PDXK: variants seen among roughly 807,000 people sequenced by gnomAD.
PDXK encodes the protein pyridoxal kinase.
A neutral mutation model predicts 43.2 loss-of-function variants in PDXK; 15 were observed. That is an observed-to-expected ratio of 0.35 (90% confidence interval 0.23 to 0.53). The LOEUF is 0.53. PDXK is among the 20% of genes least tolerant of loss of function. The pLI, the probability that PDXK is intolerant of heterozygous loss-of-function variation, is 0.92. For missense variants in PDXK, 343 were observed against 417.0 expected (o/e 0.82, Z 1.54); for synonymous variants, 172 against 165.4 (o/e 1.04, Z -0.31).
rs973831800 is a variant in PDXK, at chr21:43,732,237, G to A, written c.88-1832G>A. The A allele has an allele frequency of 7.6e-5, 111 of 1,463,904 alleles. No individual in the cohort carries two copies. The highest frequency in any genetic ancestry group is 2.5e-4 in the East Asian group (10 of 40,480). 90.7% of individuals were successfully genotyped at this position (1,463,904 alleles called of 1,614,324 possible). The stretch of plus-strand genomic sequence containing the variant: ...CCAGAGGCATGGTCCGGCACAGAGC[G>A]CTGGCTTCCAGCTGAAGGACATGTG... On this transcript the variant is annotated intron_variant, in intron 1 of 10. Transcript: ENST00000291565. The surrounding 1 kb of genome is among the most constrained non-coding windows in gnomAD (Gnocchi z 4.1).
chr21:43,732,018 A>C lies in PDXK; in HGVS notation c.88-2051A>C. 2.4e-6 allele frequency: 1 copy of C among 411,962 alleles called. No individual in the cohort carries two copies. The highest frequency in any genetic ancestry group is 3.5e-6 in the Non-Finnish European group (1 of 282,786). The allele number at this position is 411,962 out of a possible 1,614,324, so 25.5% of individuals were successfully genotyped here. The stretch of plus-strand genomic sequence containing the variant: ...GATGAGGAATTCTGCTGGTGGAGGG[A>C]AAGCCACAAAGTGGATTCCGCTGCT... On this transcript the variant is annotated intron_variant, in intron 1 of 10. Transcript: ENST00000291565. The surrounding 1 kb of genome is among the most constrained non-coding windows in gnomAD (Gnocchi z 4.1).
intron 1 of PDXK, among the ~76,000 whole-genome samples, chr21:43,730,854 C>T (rs1050447263): frequency 6.6e-6 from 1 of 152,124 alleles, no homozygotes; most frequent in African/African-American, 2.4e-5. Flanking sequence ...ACTCAGGAGG[C>T]TGAAGAGGGT....
chr21:43,745,160 C>T (rs761825473), intron 4 of PDXK, among the ~76,000 whole-genome samples: 4 of 152,196 alleles, frequency 2.6e-5, no homozygotes, highest in Non-Finnish European at 5.9e-5. Context: ...TGGCTCACGC[C>T]TGGAATCCCA....
chr21:43,733,150 C>A (rs1018901641), intron 1 of PDXK, among the ~76,000 whole-genome samples: 2 of 151,952 alleles, frequency 1.3e-5, no homozygotes, highest in African/African-American at 4.8e-5. Context: ...AAAGCCTTGG[C>A]AAATACAAAT....
intron 7 of PDXK, among the ~76,000 whole-genome samples, chr21:43,750,925 T>C (rs1157514467): frequency 6.6e-6 from 1 of 150,398 alleles, no homozygotes; most frequent in African/African-American, 2.5e-5. Flanking sequence ...TGTGCATGTG[T>C]GTGCGTATGT....
chr21:43,739,905 C>A lies in PDXK; in HGVS notation c.143-1762C>A, dbSNP rs535640205. On this transcript the variant is annotated intron_variant, in intron 2 of 10. Coordinates refer to ENST00000291565, the MANE Select transcript of PDXK (RefSeq NM_003681.5). ...CCCTCCTCCTACCCCTTACCCCAAA[C>A]CCCGCCCCAGCCTGGCAGAAGCCTC... Among the ~76,000 whole-genome samples, 110 of 151,194 alleles carry A rather than the reference C, an allele frequency of 7.3e-4. 2 individuals are homozygous for A. Among genetic ancestry groups the A allele is most frequent in the African/African-American group, 2.5e-3 (105 of 41,366 alleles).
Position 43,732,512 on chromosome 21 carries a change from C to T in PDXK, c.88-1557C>T, listed in dbSNP as rs779417285. The T allele has an allele frequency of 3.7e-5, 51 of 1,360,614 alleles. No homozygotes were observed. The East Asian group carries it at 8.2e-4, about 22-fold the overall frequency. The allele number at this position is 1,360,614 out of a possible 1,614,324, so 84.3% of individuals were successfully genotyped here. Reference sequence around the variant, plus strand: ...GCTCTCATTTAAAAGCAGAAAATAGCGACTTCATTCTCGGATACGTTTGCC... The same window carrying T: ...GCTCTCATTTAAAAGCAGAAAATAGTGACTTCATTCTCGGATACGTTTGCC... On this transcript the variant is annotated intron_variant, in intron 1 of 10. Transcript: ENST00000291565. This position sits in a 1 kb window ranked among gnomAD's most constrained non-coding sequence, Gnocchi z 4.1.
intron 1 of PDXK, among the ~76,000 whole-genome samples, chr21:43,727,657 C>T (rs1041185175): frequency 2.0e-5 from 3 of 152,240 alleles, no homozygotes; most frequent in Non-Finnish European, 4.4e-5. Context: ...CCCCAAGGGC[C>T]AGTTGCTGTG....
At position 43,719,201 on chromosome 21, in the gene PDXK, G is replaced by GGCCGGA; in HGVS notation, c.-90_-85dup. ...CAGAGTCGCAGCCGAGGGGAGCCGG[G>GGCCGGA]GCCGGAGCCCGAGCCCGAGCCGAGC... is the stretch of plus-strand genomic sequence containing the variant. On this transcript the variant is annotated 5_prime_UTR_variant, in exon 1 of 11. Coordinates refer to ENST00000291565, the MANE Select transcript of PDXK (RefSeq NM_003681.5). 1 of 588,138 alleles carries GGCCGGA rather than the reference G, an allele frequency of 1.7e-6. No homozygotes were observed. The highest frequency in any genetic ancestry group is 2.4e-6 in the Non-Finnish European group (1 of 409,836). The allele number at this position is 588,138 out of a possible 1,614,324, so 36.4% of individuals were successfully genotyped here.
At chr21:43,741,472 T>C (rs1211794103) in intron 2 of PDXK, 195 bp from the exon 3 acceptor site, 2 of 1,227,892 alleles carry the variant, frequency 1.6e-6, no homozygotes, top group African/African-American at 1.7e-5. Flanking sequence ...CGCGGGGGGC[T>C]CGAGGCGTCC....
intron 8 of PDXK, among the ~76,000 whole-genome samples, chr21:43,752,979 G>T (rs2006288): frequency 0.19 from 29,373 of 152,118 alleles, 3,009 homozygotes; most frequent in Middle Eastern, 0.32. Flanking sequence ...TGAAAATGAC[G>T]CAGAAGGCTG....
chr21:43,737,591 G>A lies in PDXK; in HGVS notation c.142+3468G>A. 1 of 990,990 alleles carries A rather than the reference G, an allele frequency of 1.0e-6. No homozygotes were observed. 61.4% of individuals were successfully genotyped at this position (990,990 alleles called of 1,614,324 possible). On this transcript the variant is annotated intron_variant, in intron 2 of 10. Transcript: ENST00000291565. This position sits in a 1 kb window ranked among gnomAD's most constrained non-coding sequence, Gnocchi z 4.8. ...GAGGGGATGGGACAGGTGCCCTGCT[G>A]CTGGGCTTGGTGGTCCCTGCTGCAG...
Position 43,735,539 on chromosome 21 carries a change from C to T in PDXK, c.142+1416C>T, listed in dbSNP as rs2083387247. 6.6e-6 allele frequency among the ~76,000 whole-genome samples: 1 copy of T among 152,132 alleles called. No individual in the cohort carries two copies. Among genetic ancestry groups the T allele is most frequent in the Non-Finnish European group, 1.5e-5 (1 of 68,010 alleles). ...TCAGGGGACTGGGATGAGGACAGGACCCCAGGCGCTTGGGAGCCTCCACAG... is the reference window on the plus strand; with the variant it reads ...TCAGGGGACTGGGATGAGGACAGGATCCCAGGCGCTTGGGAGCCTCCACAG... On this transcript the variant is annotated intron_variant, in intron 2 of 10. Coordinates refer to ENST00000291565, the MANE Select transcript of PDXK (RefSeq NM_003681.5). This position sits in a 1 kb window ranked among gnomAD's most constrained non-coding sequence, Gnocchi z 5.3.
chr21:43,746,593 A>G (rs2083642487), intron 5 of PDXK, among the ~76,000 whole-genome samples: 1 of 152,028 alleles, frequency 6.6e-6, no homozygotes, highest in Non-Finnish European at 1.5e-5. Flanking sequence ...GCTAATTTGT[A>G]TATTTTTACT....
At chr21:43,726,569 C>T (rs1303882428) in intron 1 of PDXK, among the ~76,000 whole-genome samples, 8 of 152,136 alleles carry the variant, frequency 5.3e-5, no homozygotes, top group Non-Finnish European at 1.0e-4. Context: ...CCACCGCGCC[C>T]GGCCAATTTT....
Position 43,732,373 on chromosome 21 carries a change from G to A in PDXK, c.88-1696G>A, listed in dbSNP as rs1343148614. 12 of 1,611,526 alleles carry A rather than the reference G, an allele frequency of 7.4e-6. No individual in the cohort carries two copies. In the South Asian group the frequency reaches 1.2e-4, roughly 16 times the overall value. The stretch of plus-strand genomic sequence containing the variant: ...AGTCTGGCTTTGTCTGGCACATGAA[G>A]TTGGATGGGTAGACTCTGGAAGCGT... On this transcript the variant is annotated intron_variant, in intron 1 of 10. Coordinates refer to ENST00000291565, the MANE Select transcript of PDXK (RefSeq NM_003681.5). The surrounding 1 kb of genome is among the most constrained non-coding windows in gnomAD (Gnocchi z 4.1).
At chr21:43,738,226 G>C (rs1416513259) in intron 2 of PDXK, 1 of 164,256 alleles carries the variant, frequency 6.1e-6, no homozygotes, top group Non-Finnish European at 1.3e-5. Context: ...TGGTGTCCTT[G>C]TAAGAAGAAG....
Position 43,753,626 on chromosome 21 carries a change from C to T in PDXK, c.666C>T (p.Asp222=). 6.2e-7 allele frequency: 1 copy of T among 1,613,652 alleles called. No homozygotes were observed. The highest frequency in any genetic ancestry group is 1.1e-5 in the South Asian group (1 of 91,028). The change falls in exon 9 of 11, where the codon GAC becomes GAT. Residue 222 remains aspartate, a synonymous_variant. Coordinates refer to ENST00000291565, the MANE Select transcript of PDXK (RefSeq NM_003681.5). ...GSVVMERIRM[D]IRKVDAVFVG... is the part of the protein sequence containing the mutation. Reference sequence around the variant, plus strand: ...TGGTGATGGAACGCATCCGGATGGACATTCGCAAAGTGGACGCCGTCTTTG... The same window carrying T: ...TGGTGATGGAACGCATCCGGATGGATATTCGCAAAGTGGACGCCGTCTTTG...
At chr21:43,750,952 ATGTGTGTGCATG>A (rs1447839399) in intron 7 of PDXK, among the ~76,000 whole-genome samples, 4 of 61,714 alleles carry the variant, frequency 6.5e-5, no homozygotes, top group Admixed American at 6.3e-4. Flanking sequence ...GTGTTTGCAC[ATGTGTGTGCATG>A]TGTGTGTGTG....
Sources: allele counts gnomAD v4.1 joint callset (sites outside exome capture counted in the v4.1 genomes callset), GRCh38; gene constraint gnomAD v4.1.1; non-coding constraint Gnocchi (gnomAD v3.1); transcripts MANE v1.5; gene names NCBI Gene and HGNC (gene_info 2026-07-23, HGNC 2026-07-21).